CACHD1: variants seen among roughly 807,000 people sequenced by gnomAD.
CACHD1 encodes the protein cache domain containing 1, also known as VWFA and cache domain-containing protein 1.
CACHD1 carries 71 observed loss-of-function variants against 138.7 expected under a neutral mutation model. The ratio of observed to expected loss-of-function variants is 0.51; its 90% CI spans 0.42 to 0.62. The LOEUF (loss-of-function observed/expected upper bound fraction) is 0.62, where lower values mean the gene tolerates loss of function less well. Among genes scored for constraint, CACHD1 ranks in the 20% least tolerant of loss-of-function variants. CACHD1 has a pLI of 0.00. For synonymous variants in CACHD1, 578 were observed against 591.5 expected (o/e 0.98, Z 0.33); for missense variants, 1,389 against 1,625.3 (o/e 0.85, Z 2.50).
chr1:64,544,738 G>GAGC (rs1354091986), intron 1 of CACHD1, among the ~76,000 whole-genome samples: 1 of 152,088 alleles, frequency 6.6e-6, no homozygotes, highest in East Asian at 1.9e-4. Context: ...CTCTTTTGGG[G>GAGC]AGGGAGCGGG....
intron 4 of CACHD1, 98 bp from the exon 5 acceptor site, chr1:64,629,257 A>G: frequency 3.0e-6 from 4 of 1,321,192 alleles, no homozygotes; most frequent in Non-Finnish European, 3.1e-6. Flanking sequence ...GGATTTCTTC[A>G]TACTAGAAGC....
In CACHD1 at chr1:64,636,641, G is replaced by A. The variant is rs75342123; in HGVS notation, c.1006+2381G>A. Among the ~76,000 whole-genome samples, 888 of 152,314 alleles carry A rather than the reference G, an allele frequency of 5.8e-3. 8 individuals are homozygous for A. The highest frequency in any genetic ancestry group is 0.021 in the African/African-American group (858 of 41,570). On this transcript the variant is annotated intron_variant, in intron 7 of 26. Coordinates refer to ENST00000651257, the MANE Select transcript of CACHD1 (RefSeq NM_020925.4). ...TTCATTTACTTCTTCAAGGCCAATA[G>A]AAGAGCATCTCTTCAAATCCCTGGC... is the stretch of plus-strand genomic sequence containing the variant.
intron 1 of CACHD1, among the ~76,000 whole-genome samples, chr1:64,493,747 C>T (rs1646291517): frequency 6.6e-6 from 1 of 152,152 alleles, no homozygotes; most frequent in African/African-American, 2.4e-5. Flanking sequence ...TAAATCCTCC[C>T]TCCTCCCTGC....
chr1:64,688,870 C>T (rs1008715344), intron 26 of CACHD1, among the ~76,000 whole-genome samples: 6 of 151,354 alleles, frequency 4.0e-5, no homozygotes, highest in African/African-American at 7.3e-5. Context: ...GGTACCTTTA[C>T]ACCCCTGTCT....
In CACHD1 at chr1:64,667,084, C is replaced by T. The variant is rs566112556; in HGVS notation, c.2387+917C>T. On this transcript the variant is annotated intron_variant, in intron 16 of 26. Transcript: ENST00000651257. ...GGAAATATATTTAGAGTGCTTTATG[C>T]TTCCTGCTTTTAAGGTTTCAATATT... is the stretch of plus-strand genomic sequence containing the variant. 1.6e-4 allele frequency among the ~76,000 whole-genome samples: 24 copies of T among 152,196 alleles called. No individual in the cohort carries two copies. The East Asian group carries it at 2.5e-3, about 16-fold the overall frequency.
At chr1:64,514,629 T>C (rs557382679) in intron 1 of CACHD1, among the ~76,000 whole-genome samples, 1 of 152,322 alleles carries the variant, frequency 6.6e-6, no homozygotes, top group East Asian at 1.9e-4. Flanking sequence ...CAAAGCTATG[T>C]GATAACTCCT....
intron 5 of CACHD1, 51 bp from the exon 6 acceptor site, chr1:64,632,547 AG>A: frequency 6.3e-7 from 1 of 1,599,646 alleles, no homozygotes; most frequent in Non-Finnish European, 8.5e-7. Flanking sequence ...TGTTAAGTTG[AG>A]GCCCTTTACC....
At chr1:64,627,998 G>A (rs1281436198) in intron 4 of CACHD1, among the ~76,000 whole-genome samples, 1 of 152,154 alleles carries the variant, frequency 6.6e-6, no homozygotes, top group African/African-American at 2.4e-5. Flanking sequence ...ATGTGTCAGT[G>A]TTATAAAGGG....
chr1:64,624,523 C>T (rs1364508356), intron 4 of CACHD1, among the ~76,000 whole-genome samples: 1 of 152,152 alleles, frequency 6.6e-6, no homozygotes, highest in Non-Finnish European at 1.5e-5. Context: ...GTTAAAGCTT[C>T]AGACCCCAGG....
intron 2 of CACHD1, among the ~76,000 whole-genome samples, chr1:64,554,473 A>T (rs975865592): frequency 6.6e-6 from 1 of 152,188 alleles, no homozygotes; most frequent in African/African-American, 2.4e-5. Flanking sequence ...CTGCTTCCAC[A>T]GTGGCTGTCA....
At chr1:64,671,931 A>G (rs560999110) in intron 17 of CACHD1, among the ~76,000 whole-genome samples, 1 of 152,326 alleles carries the variant, frequency 6.6e-6, no homozygotes, top group East Asian at 1.9e-4. Context: ...GGAATGCACC[A>G]AAAGCTCTTG....
chr1:64,627,726 T>C (rs1351519374), intron 4 of CACHD1, among the ~76,000 whole-genome samples: 2 of 152,148 alleles, frequency 1.3e-5, no homozygotes, highest in Non-Finnish European at 2.9e-5. Context: ...GGCCGAGGGA[T>C]TTAGTGAGAA....
At chr1:64,579,438 T>A (rs1646994545) in intron 2 of CACHD1, among the ~76,000 whole-genome samples, 1 of 152,206 alleles carries the variant, frequency 6.6e-6, no homozygotes, top group South Asian at 2.1e-4. Context: ...TTGTTTTTAT[T>A]TTAAAGTGAA....
At chr1:64,664,756 C>G in intron 15 of CACHD1, 77 bp downstream of exon 15, 1 of 1,312,764 alleles carries the variant, frequency 7.6e-7, no homozygotes, top group Non-Finnish European at 1.1e-6. Flanking sequence ...TACAATAAAG[C>G]AACTTCAGGG....
chr1:64,626,904 T>C (rs1394182500), intron 4 of CACHD1, among the ~76,000 whole-genome samples: 1 of 152,172 alleles, frequency 6.6e-6, no homozygotes, highest in Non-Finnish European at 1.5e-5. Context: ...ATTTCCAATC[T>C]CCCTCAATTA....
chr1:64,593,053 A>G (rs1471635096), intron 3 of CACHD1, among the ~76,000 whole-genome samples: 3 of 152,230 alleles, frequency 2.0e-5, no homozygotes, highest in Non-Finnish European at 2.9e-5. Context: ...AAGAGGAGCA[A>G]AAGAAAACTT....
chr1:64,664,378 T>C, intron 14 of CACHD1, 120 bp from the exon 15 acceptor site: 1 of 966,700 alleles, frequency 1.0e-6, no homozygotes, highest in Non-Finnish European at 1.5e-6. Context: ...GTGGAAAGAT[T>C]TTTAAAAAGT....
At chr1:64,471,901 G>A (rs962180471) in intron 1 of CACHD1, among the ~76,000 whole-genome samples, 2 of 152,162 alleles carry the variant, frequency 1.3e-5, no homozygotes, top group Non-Finnish European at 2.9e-5. Context: ...CTGCCCCGCT[G>A]TTATTTTAAT....
chr1:64,493,587 C>A (rs1646290484), intron 1 of CACHD1, among the ~76,000 whole-genome samples: 1 of 152,124 alleles, frequency 6.6e-6, no homozygotes, highest in East Asian at 1.9e-4. Context: ...CATAGCTGGA[C>A]AATATAACAA....
Sources: gnomAD v4.1 joint callset for allele counts (sites outside exome capture counted in the v4.1 genomes callset) on GRCh38, gnomAD v4.1.1 for gene constraint, MANE v1.5 for transcripts, NCBI Gene and HGNC (gene_info 2026-07-23, HGNC 2026-07-21) for gene names.